The following SRGAP3 variants were observed in gnomAD, a reference collection of about 807,000 sequenced individuals.
SRGAP3 encodes the protein SLIT-ROBO Rho GTPase-activating protein 3.
Under a neutral mutation model 121.1 loss-of-function variants are expected in SRGAP3, and 39 were observed. The observed-to-expected ratio is 0.32, with a 90% CI of 0.25 to 0.42. SRGAP3 has a LOEUF of 0.42. Among genes scored for constraint, SRGAP3 ranks in the 10% least tolerant of loss-of-function variants. The probability of loss-of-function intolerance (pLI) is 1.00; values close to 1 mark genes in which losing one functional copy is unlikely to be tolerated. For synonymous variants in SRGAP3, 601 were observed against 570.0 expected (o/e 1.05, Z -0.77); for missense variants, 1,213 against 1,470.6 (o/e 0.82, Z 2.86).
rs991880538 is a variant in SRGAP3, at chr3:9,109,811, A to G, written c.261-4969T>C. On this transcript the variant is annotated intron_variant, in intron 2 of 21. Coordinates refer to ENST00000383836, the MANE Select transcript of SRGAP3 (RefSeq NM_014850.4). The surrounding 1 kb of genome is among the most constrained non-coding windows in gnomAD (Gnocchi z 4.4). ...GCCGGACTGGAGTTTCACAGGGAGGAGCCTTCAAAGGGGAGAAATGTGATG... is the reference window on the plus strand; with the variant it reads ...GCCGGACTGGAGTTTCACAGGGAGGGGCCTTCAAAGGGGAGAAATGTGATG... Among the ~76,000 whole-genome samples, 1 of 152,038 alleles carries G rather than the reference A, an allele frequency of 6.6e-6. No homozygotes were observed. The highest frequency in any genetic ancestry group is 1.5e-5 in the Non-Finnish European group (1 of 68,008).
chr3:9,351,667 G>T (rs1018764315), intron 1 of SRGAP3, among the ~76,000 whole-genome samples: 1 of 152,076 alleles, frequency 6.6e-6, no homozygotes, highest in East Asian at 1.9e-4. Context: ...TATTTTTCCT[G>T]TACCTTTTTT....
chr3:8,997,589 C>A (rs1025874774), intron 18 of SRGAP3, among the ~76,000 whole-genome samples: 3 of 152,124 alleles, frequency 2.0e-5, no homozygotes, highest in African/African-American at 4.8e-5. Flanking sequence ...TCTTCTCTGT[C>A]TCTCTCTCTC....
At chr3:9,326,222 G>A (rs541635902) in intron 2 of SRGAP3, 5 of 151,968 alleles carry the variant, frequency 3.3e-5, no homozygotes, top group African/African-American at 1.2e-4. Flanking sequence ...TATTTACCTG[G>A]TGAAAATACA....
chr3:9,068,650 C>T (rs1324568076), intron 4 of SRGAP3, among the ~76,000 whole-genome samples: 4 of 152,216 alleles, frequency 2.6e-5, no homozygotes, highest in Admixed American at 2.0e-4. Flanking sequence ...CTAGATGTTT[C>T]TTTTATTTAA....
chr3:9,210,787 G>A (rs886065090), intron 1 of SRGAP3, among the ~76,000 whole-genome samples: 5 of 149,934 alleles, frequency 3.3e-5, no homozygotes, highest in African/African-American at 1.2e-4. Context: ...CCGAGATGGA[G>A]CCACTGCACT....
intron 1 of SRGAP3, among the ~76,000 whole-genome samples, chr3:9,156,474 G>GGCTTA: frequency 6.6e-6 from 1 of 152,276 alleles, no homozygotes; most frequent in East Asian, 1.9e-4. Flanking sequence ...GCTGCTGGGT[G>GGCTTA]GCTTAGCCAG....
intron 1 of SRGAP3, among the ~76,000 whole-genome samples, chr3:9,129,371 T>C (rs918089396): frequency 3.0e-4 from 46 of 151,492 alleles, no homozygotes; most frequent in Non-Finnish European, 5.4e-4. Flanking sequence ...TTTTATTTAG[T>C]GCAAATTAAA....
rs34305216 is a variant in SRGAP3 at position 9,182,175 on chromosome 3, C to CAAAAA, written c.68-57263_68-57259dup. On this transcript the variant is annotated intron_variant, in intron 1 of 21. Coordinates refer to ENST00000383836, the MANE Select transcript of SRGAP3 (RefSeq NM_014850.4). The stretch of plus-strand genomic sequence containing the variant: ...TGGATGACAGAGCAAGACTCTGTCT[C>CAAAAA]AAAAAAAAAAAAAAAAAAAAAAAAA... Among the ~76,000 whole-genome samples, 26 of 37,280 alleles carry CAAAAA rather than the reference C, an allele frequency of 7.0e-4. 3 individuals carry two copies. Among genetic ancestry groups the CAAAAA allele is most frequent in the African/African-American group, 2.2e-3 (16 of 7,126 alleles). The allele number at this position is 37,280 out of a possible 152,430, so 24.5% of individuals were successfully genotyped here. A position where few individuals can be genotyped will look rare whatever the true frequency, so the allele number is the denominator to read the frequency against.
At chr3:9,313,732 C>T (rs1049000237) in intron 3 of SRGAP3, among the ~76,000 whole-genome samples, 3 of 151,806 alleles carry the variant, frequency 2.0e-5, no homozygotes, top group African/African-American at 7.3e-5. Context: ...TGGTGGCTCA[C>T]GCCTGTAATC....
chr3:9,326,684 G>A (rs984423771), intron 2 of SRGAP3, among the ~76,000 whole-genome samples: 2 of 151,754 alleles, frequency 1.3e-5, no homozygotes, highest in Non-Finnish European at 2.9e-5. Context: ...TTTGACTTAA[G>A]ACCATGGAGT....
chr3:9,071,640 GT>G (rs1946723708), intron 4 of SRGAP3, among the ~76,000 whole-genome samples: 1 of 144,822 alleles, frequency 6.9e-6, no homozygotes, highest in Non-Finnish European at 1.5e-5. Context: ...ATTCTCAAAG[GT>G]GGATGGATGG....
intron 21 of SRGAP3, among the ~76,000 whole-genome samples, chr3:8,988,395 C>T (rs1216605776): frequency 6.6e-6 from 1 of 152,218 alleles, no homozygotes; most frequent in South Asian, 2.1e-4. Context: ...AGAGCCAATG[C>T]TGAGGCTGGA....
At chr3:9,360,014 C>T (rs568952101) in intron 1 of SRGAP3, among the ~76,000 whole-genome samples, 1 of 152,170 alleles carries the variant, frequency 6.6e-6, no homozygotes, top group Non-Finnish European at 1.5e-5. Context: ...ACTACAGACT[C>T]GAACTCCTGG....
rs1948552444 is a variant in SRGAP3, at chr3:9,109,842, A to G, written c.261-5000T>C. Among the ~76,000 whole-genome samples the G allele has an allele frequency of 6.6e-6, 1 of 152,108 alleles. No individual in the cohort carries two copies. Among genetic ancestry groups the G allele is most frequent in the African/African-American group, 2.4e-5 (1 of 41,420 alleles). ...CAAAGGGGAGAAATGTGATGAGCAA[A>G]GGCCCAGGGAGGAGCAGGAGAGGGA... On this transcript the variant is annotated intron_variant, in intron 2 of 21. Coordinates refer to ENST00000383836, the MANE Select transcript of SRGAP3 (RefSeq NM_014850.4). This position sits in a 1 kb window ranked among gnomAD's most constrained non-coding sequence, Gnocchi z 4.4.
chr3:9,025,475 T>A (rs1944149802), intron 13 of SRGAP3, 137 bp from the exon 14 acceptor site: 2 of 999,310 alleles, frequency 2.0e-6, no homozygotes, highest in Non-Finnish European at 3.1e-6. Context: ...TCGTTCCCTA[T>A]GAATGTCTCC....
chr3:9,132,279 A>G (rs1438946602), intron 1 of SRGAP3, among the ~76,000 whole-genome samples: 1 of 152,176 alleles, frequency 6.6e-6, no homozygotes, highest in Non-Finnish European at 1.5e-5. Context: ...CACTTACATT[A>G]CGGCTCACCC....
chr3:9,122,504 T>C (rs1026616792), intron 2 of SRGAP3, among the ~76,000 whole-genome samples: 5 of 151,990 alleles, frequency 3.3e-5, no homozygotes, highest in African/African-American at 1.2e-4. Flanking sequence ...GGTCAGGAGA[T>C]GGAGACCATC....
chr3:9,236,645 T>C (rs1953421595), intron 1 of SRGAP3, among the ~76,000 whole-genome samples: 2 of 152,058 alleles, frequency 1.3e-5, no homozygotes, highest in Non-Finnish European at 2.9e-5. Context: ...CCTTCTGCCA[T>C]GATTGTAAGT....
intron 1 of SRGAP3, among the ~76,000 whole-genome samples, chr3:9,338,523 T>C (rs541060948): frequency 6.6e-6 from 1 of 152,298 alleles, no homozygotes; most frequent in East Asian, 1.9e-4. Flanking sequence ...AGTCATAGGA[T>C]TAAACTCTTA....
Sources: allele counts gnomAD v4.1 joint callset (sites outside exome capture counted in the v4.1 genomes callset), GRCh38; gene constraint gnomAD v4.1.1; non-coding constraint Gnocchi (gnomAD v3.1); transcripts MANE v1.5; gene names NCBI Gene and HGNC (gene_info 2026-07-23, HGNC 2026-07-21).